The following TASP1 variants were observed in gnomAD, a reference collection of about 807,000 sequenced individuals.
The protein encoded by TASP1 is threonine aspartase 1.
In TASP1, 16 loss-of-function variants were observed where a neutral mutation model predicts 56.6. That is an observed-to-expected ratio of 0.28 (90% CI 0.19 to 0.43). TASP1 has a LOEUF of 0.43. Ranked by LOEUF, TASP1 falls within the 20% of genes least tolerant of loss-of-function variation. The pLI is 1.00. For synonymous variants in TASP1, 179 were observed against 184.2 expected (o/e 0.97, Z 0.23); for missense variants, 393 against 511.6 (o/e 0.77, Z 2.24).
At chr20:13,220,211 C>G in the TASP1 span, among the ~76,000 whole-genome samples, 1 of 152,180 alleles carries the variant, frequency 6.6e-6, no homozygotes, top group African/African-American at 2.4e-5. Context: ...AAGTCCCGGC[C>G]GGACTGAGCG....
intron 5 of TASP1, among the ~76,000 whole-genome samples, chr20:13,586,052 T>C (rs1411456052): frequency 1.3e-5 from 2 of 151,356 alleles, no homozygotes; most frequent in South Asian, 2.1e-4. Flanking sequence ...GAAGAATCAA[T>C]TGAACCCAGG....
chr20:13,307,248 T>A, the TASP1 span, among the ~76,000 whole-genome samples: 1 of 152,222 alleles, frequency 6.6e-6, no homozygotes, highest in Non-Finnish European at 1.5e-5. Flanking sequence ...CAATTGGCCA[T>A]CCTTTGGGCC....
chr20:13,268,649 G>A, the TASP1 span, among the ~76,000 whole-genome samples: 1,745 of 152,292 alleles, frequency 0.011, 22 homozygotes, highest in Non-Finnish European at 0.015. Flanking sequence ...GGTGACAGAC[G>A]AGGTCTCTAT....
chr20:13,510,787 A>G (rs562738994), intron 10 of TASP1, among the ~76,000 whole-genome samples: 1 of 152,312 alleles, frequency 6.6e-6, no homozygotes, highest in Non-Finnish European at 1.5e-5. Context: ...AAAAGTACTC[A>G]GCACAGTACC....
chr20:13,183,467 T>G, the TASP1 span, among the ~76,000 whole-genome samples: 1 of 152,156 alleles, frequency 6.6e-6, no homozygotes, highest in African/African-American at 2.4e-5. Flanking sequence ...CTAGTCAAAA[T>G]TTGCATTTAC....
chr20:13,402,968 G>C (rs908193740), intron 13 of TASP1, among the ~76,000 whole-genome samples: 2 of 152,176 alleles, frequency 1.3e-5, no homozygotes, highest in Non-Finnish European at 2.9e-5. Flanking sequence ...ACCTGGATGG[G>C]TGAGCTTAAA....
At chr20:13,266,611 T>A in the TASP1 span, among the ~76,000 whole-genome samples, 9 of 152,328 alleles carry the variant, frequency 5.9e-5, no homozygotes, top group Non-Finnish European at 1.3e-4. Context: ...AAAGACACAT[T>A]GTGGGTAAAG....
the TASP1 span, among the ~76,000 whole-genome samples, chr20:13,224,224 G>T: frequency 6.6e-6 from 1 of 152,130 alleles, no homozygotes; most frequent in Non-Finnish European, 1.5e-5. Flanking sequence ...TAGCAGTTTA[G>T]TTCATAATTT....
chr20:13,342,954 A>T, the TASP1 span, among the ~76,000 whole-genome samples: 1 of 152,132 alleles, frequency 6.6e-6, no homozygotes, highest in African/African-American at 2.4e-5. Context: ...TATAGGAAGG[A>T]ATGTCCCAAA....
the TASP1 span, among the ~76,000 whole-genome samples, chr20:13,195,383 G>A: frequency 6.6e-6 from 1 of 152,086 alleles, no homozygotes; most frequent in Non-Finnish European, 1.5e-5. Flanking sequence ...TCTAGGCACC[G>A]GCCCTCTCTG....
chr20:13,409,966 CCCT>C (rs1187748984), intron 13 of TASP1, among the ~76,000 whole-genome samples: 1 of 152,154 alleles, frequency 6.6e-6, no homozygotes, highest in African/African-American at 2.4e-5. Flanking sequence ...TCTCTTCATT[CCCT>C]CCTCCCACTC....
intron 10 of TASP1, among the ~76,000 whole-genome samples, chr20:13,504,589 G>C (rs2044062426): frequency 6.6e-6 from 1 of 152,010 alleles, no homozygotes. Flanking sequence ...TGAATTGATG[G>C]TATATAAAAG....
At chr20:13,228,791 A>G in the TASP1 span, among the ~76,000 whole-genome samples, 2 of 152,178 alleles carry the variant, frequency 1.3e-5, no homozygotes, top group South Asian at 4.1e-4. Context: ...TAACATTGAG[A>G]TTTCAAGATC....
chr20:13,191,299 T>C, the TASP1 span, among the ~76,000 whole-genome samples: 1 of 152,200 alleles, frequency 6.6e-6, no homozygotes, highest in Non-Finnish European at 1.5e-5. Flanking sequence ...CCCATGTTTA[T>C]TGCAGCACTA....
intron 13 of TASP1, among the ~76,000 whole-genome samples, chr20:13,395,476 T>C (rs2041491967): frequency 6.6e-6 from 1 of 152,232 alleles, no homozygotes; most frequent in South Asian, 2.1e-4. Context: ...GCACTAACAA[T>C]GTCACATGAA....
rs12480101 is a variant in TASP1 at position 13,428,585 on chromosome 20, C to T, written c.1096+6459G>A. Among the ~76,000 whole-genome samples the T allele has an allele frequency of 3.2e-3, 483 of 152,248 alleles. 2 individuals carry two copies. Among genetic ancestry groups the T allele is most frequent in the East Asian group, 0.01 (52 of 5,176 alleles). ...ATTCCAGGGACAAGCATTTGCTTTGCGTTAAATCAGCGATTTGTAGGCTGG... is the reference window on the plus strand; with the variant it reads ...ATTCCAGGGACAAGCATTTGCTTTGTGTTAAATCAGCGATTTGTAGGCTGG... On this transcript the variant is annotated intron_variant, in intron 12 of 13. Coordinates refer to ENST00000337743, the MANE Select transcript of TASP1 (RefSeq NM_017714.3).
chr20:13,220,230 T>C, the TASP1 span, among the ~76,000 whole-genome samples: 13 of 152,278 alleles, frequency 8.5e-5, no homozygotes, highest in Non-Finnish European at 1.5e-4. Flanking sequence ...CGTCCGCTAC[T>C]CCGAGTCACT....
chr20:13,481,288 G>T (rs1568858184), intron 11 of TASP1, among the ~76,000 whole-genome samples: 1 of 151,956 alleles, frequency 6.6e-6, no homozygotes, highest in Non-Finnish European at 1.5e-5. Context: ...GTACTCCATT[G>T]TGTATATGTG....
chr20:13,414,942 A>G (rs2042205824), intron 13 of TASP1, among the ~76,000 whole-genome samples: 1 of 152,096 alleles, frequency 6.6e-6, no homozygotes, highest in African/African-American at 2.4e-5. Context: ...CTAAGCTTTA[A>G]TTCAAGGCTT....
Sources: gnomAD v4.1 joint callset for allele counts (sites outside exome capture counted in the v4.1 genomes callset) on GRCh38, gnomAD v4.1.1 for gene constraint, MANE v1.5 for transcripts, NCBI Gene and HGNC (gene_info 2026-07-23, HGNC 2026-07-21) for gene names.